PTPN14: variants seen among roughly 807,000 people sequenced by gnomAD.
PTPN14 encodes the protein tyrosine-protein phosphatase non-receptor type 14.
PTPN14 carries 53 observed loss-of-function variants against 126.8 expected under a neutral mutation model. The ratio of observed to expected loss-of-function variants is 0.42; its 90% CI spans 0.34 to 0.53. The LOEUF is 0.53. Ranked by LOEUF, PTPN14 falls within the 20% of genes least tolerant of loss-of-function variation. The pLI is 0.08. For missense variants in PTPN14, 1,257 were observed against 1,552.9 expected (o/e 0.81, Z 3.20); for synonymous variants, 630 against 599.3 (o/e 1.05, Z -0.75).
At chr1:214,454,055 G>A (rs953851980) in intron 2 of PTPN14, among the ~76,000 whole-genome samples, 2 of 152,154 alleles carry the variant, frequency 1.3e-5, no homozygotes, top group African/African-American at 4.8e-5. Context: ...ATGGAACACA[G>A]GGCTGTATGA....
At position 214,538,210 on chromosome 1, in the gene PTPN14, T is replaced by A. The variant is rs551090781; in HGVS notation, c.-155+12973A>T. On this transcript the variant is annotated intron_variant, in intron 1 of 18. Coordinates refer to ENST00000366956, the MANE Select transcript of PTPN14 (RefSeq NM_005401.5). ...TGGATAGACAAAAGGAAAGAATGAA[T>A]GGAAGGAGGAAGGAACACATGTACT... is the stretch of plus-strand genomic sequence containing the variant. Among the ~76,000 whole-genome samples the A allele has an allele frequency of 1.6e-4, 24 of 152,196 alleles. 1 individual carries two copies. The South Asian group carries it at 4.2e-3, about 26-fold the overall frequency.
chr1:214,457,992 C>CATCTATATCTAT (rs58773276), intron 2 of PTPN14, among the ~76,000 whole-genome samples: 191 of 150,196 alleles, frequency 1.3e-3, no homozygotes, highest in African/African-American at 4.0e-3. Context: ...ATCACAGTTT[C>CATCTATATCTAT]ATCTATATCT....
chr1:214,435,112 G>A (rs1315129664), intron 3 of PTPN14, among the ~76,000 whole-genome samples: 1 of 152,098 alleles, frequency 6.6e-6, no homozygotes, highest in Non-Finnish European at 1.5e-5. Context: ...AAATATAGGA[G>A]TACTTCATTC....
At chr1:214,363,052 T>C (rs561617759) in intron 18 of PTPN14, among the ~76,000 whole-genome samples, 254 of 152,304 alleles carry the variant, frequency 1.7e-3, no homozygotes, top group Non-Finnish European at 2.9e-3. Context: ...TAGAGACCTC[T>C]AGTAGTGATG....
At position 214,384,685 on chromosome 1, in the gene PTPN14, G is replaced by C; in HGVS notation, c.1170C>G (p.Ser390Arg). 6.2e-7 allele frequency: 1 copy of C among 1,614,088 alleles called. No individual in the cohort carries two copies. Among genetic ancestry groups the C allele is most frequent in the East Asian group, 2.2e-5 (1 of 44,858 alleles). The change falls in exon 13 of 19, where the codon AGC becomes AGG. Residue 390 changes from serine to arginine, a missense_variant. This residue lies in a region of PTPN14 where 1,021 missense variants were observed against 1,183.3 expected (regional missense o/e 0.86). Coordinates refer to ENST00000366956, the MANE Select transcript of PTPN14 (RefSeq NM_005401.5). This position sits in a 1 kb window ranked among gnomAD's most constrained non-coding sequence, Gnocchi z 5.3. ...AGTTGAGGGAGTTGACGCTGTGAAC[G>C]CTACACACGCTGCCATTGGTGACAG... is the stretch of plus-strand genomic sequence containing the variant. The part of the protein sequence containing the change: ...NGTVTNGSVC[S>R]VHSVNSLNCS...
chr1:214,500,625 C>T (rs1352733213), intron 1 of PTPN14, among the ~76,000 whole-genome samples: 1 of 152,062 alleles, frequency 6.6e-6, no homozygotes, highest in Admixed American at 6.6e-5. Context: ...CACTGAGGGA[C>T]AGACAGAAAC....
chr1:214,389,247 ATAAG>A (rs1251711830), intron 11 of PTPN14, among the ~76,000 whole-genome samples: 2 of 152,236 alleles, frequency 1.3e-5, no homozygotes, highest in South Asian at 2.1e-4. Flanking sequence ...AAAAAAACCA[ATAAG>A]TAAGTTACGG....
chr1:214,391,345 CA>C (rs1658746894), intron 10 of PTPN14, among the ~76,000 whole-genome samples: 3 of 151,466 alleles, frequency 2.0e-5, no homozygotes, highest in Non-Finnish European at 4.4e-5. Context: ...AAAATATCAC[CA>C]TTATTACATG....
At chr1:214,448,294 G>A (rs573511619) in intron 3 of PTPN14, among the ~76,000 whole-genome samples, 2 of 152,042 alleles carry the variant, frequency 1.3e-5, no homozygotes, top group East Asian at 3.9e-4. Flanking sequence ...GCAGTGGCGC[G>A]ATCTCGGCTC....
At chr1:214,545,746 C>T (rs553290041) in intron 1 of PTPN14, among the ~76,000 whole-genome samples, 1 of 152,246 alleles carries the variant, frequency 6.6e-6, no homozygotes, top group East Asian at 1.9e-4. Context: ...CTGGCTTGAG[C>T]AGCTAACTCA....
intron 1 of PTPN14, among the ~76,000 whole-genome samples, chr1:214,508,839 T>G (rs139361446): frequency 6.6e-6 from 1 of 152,230 alleles, no homozygotes; most frequent in Admixed American, 6.5e-5. Flanking sequence ...AAAGCAACGT[T>G]CATCTTCTTA....
intron 10 of PTPN14, 57 bp from the exon 11 acceptor site, chr1:214,391,102 G>A: frequency 7.7e-7 from 1 of 1,294,240 alleles, no homozygotes. Context: ...AAAAAGACCA[G>A]ATAGACAAGG....
At chr1:214,461,370 C>T (rs1223639926) in intron 2 of PTPN14, among the ~76,000 whole-genome samples, 1 of 152,156 alleles carries the variant, frequency 6.6e-6, no homozygotes, top group Non-Finnish European at 1.5e-5. Context: ...CAGTGTCTCA[C>T]ATCTATAATC....
chr1:214,518,366 T>C (rs948414679), intron 1 of PTPN14, among the ~76,000 whole-genome samples: 3 of 152,224 alleles, frequency 2.0e-5, no homozygotes, highest in Non-Finnish European at 2.9e-5. Context: ...TGATAAATGA[T>C]ATCCCCAGAA....
At chr1:214,475,206 A>AACAGAT (rs1417037718) in intron 1 of PTPN14, among the ~76,000 whole-genome samples, 1 of 152,212 alleles carries the variant, frequency 6.6e-6, no homozygotes, top group East Asian at 1.9e-4. Flanking sequence ...AACCTGGTAA[A>AACAGAT]ACAGATAACA....
intron 16 of PTPN14, among the ~76,000 whole-genome samples, chr1:214,370,249 C>G (rs1266054885): frequency 6.8e-6 from 1 of 146,588 alleles, no homozygotes; most frequent in Non-Finnish European, 1.5e-5. Flanking sequence ...CACTGCACCC[C>G]AGCCTGGGCA....
chr1:214,442,881 T>C (rs1210158220), intron 3 of PTPN14, among the ~76,000 whole-genome samples: 2 of 151,820 alleles, frequency 1.3e-5, no homozygotes, highest in African/African-American at 4.8e-5. Flanking sequence ...TGGAGTGCTA[T>C]GGTGCGATCT....
chr1:214,437,192 T>C (rs2102616143), intron 3 of PTPN14, among the ~76,000 whole-genome samples: 1 of 152,302 alleles, frequency 6.6e-6, no homozygotes, highest in Admixed American at 6.5e-5. Flanking sequence ...ATTTACCTAT[T>C]ATTTCATCTT....
At chr1:214,422,036 T>C (rs1659556700) in intron 3 of PTPN14, among the ~76,000 whole-genome samples, 1 of 151,962 alleles carries the variant, frequency 6.6e-6, no homozygotes, top group Non-Finnish European at 1.5e-5. Flanking sequence ...CATTTCTGAG[T>C]AGATGAAATA....
Sources: allele counts gnomAD v4.1 joint callset (sites outside exome capture counted in the v4.1 genomes callset), GRCh38; gene constraint gnomAD v4.1.1; regional missense constraint gnomAD v4.1.1; non-coding constraint Gnocchi (gnomAD v3.1); transcripts MANE v1.5; gene names NCBI Gene and HGNC (gene_info 2026-07-23, HGNC 2026-07-21).